The following PPP5C variants were observed in gnomAD, a reference collection of about 807,000 sequenced individuals.
The protein encoded by PPP5C is protein phosphatase 5 catalytic subunit.
Under a neutral mutation model 66.7 loss-of-function variants are expected in PPP5C, and 21 were observed. The observed-to-expected ratio is 0.31, with a 90% CI of 0.22 to 0.45. The LOEUF (loss-of-function observed/expected upper bound fraction) is 0.45, where lower values mean the gene tolerates loss of function less well. PPP5C is among the 20% of genes least tolerant of loss of function. The probability of loss-of-function intolerance (pLI) is 1.00; values close to 1 mark genes in which losing one functional copy is unlikely to be tolerated. For synonymous variants in PPP5C, 246 were observed against 257.4 expected, an observed-to-expected ratio of 0.96 and a Z score of 0.43; for missense variants, 464 against 675.9, an observed-to-expected ratio of 0.69 and a Z score of 3.48.
chr19:46,387,690 C>T (rs1972915828), intron 9 of PPP5C: 1 of 1,449,662 alleles, frequency 6.9e-7, no homozygotes, highest in East Asian at 2.6e-5. Context: ...GCCGAGCACA[C>T]CTGTCCTTAT....
chr19:46,375,159 C>T lies in PPP5C; in HGVS notation c.364-445C>T, dbSNP rs185387884. ...TAACCTGGGCTTGGGGAGTCCATGTCGTCCAGCAAGTCATTGGCCCTTTGT... is the reference window on the plus strand; with the variant it reads ...TAACCTGGGCTTGGGGAGTCCATGTTGTCCAGCAAGTCATTGGCCCTTTGT... On this transcript the variant is annotated intron_variant, in intron 2 of 12. Transcript: ENST00000012443. 1.1e-4 allele frequency among the ~76,000 whole-genome samples: 16 copies of T among 152,286 alleles called. No homozygotes were observed. The East Asian group carries it at 2.7e-3, about 26-fold the overall frequency.
chr19:46,347,606 G>T (rs1360677421), intron 1 of PPP5C, among the ~76,000 whole-genome samples: 1 of 150,180 alleles, frequency 6.7e-6, no homozygotes, highest in Non-Finnish European at 1.5e-5. Context: ...CAAGTGGGGG[G>T]TAGAGGGGGC....
At position 46,388,455 on chromosome 19, in the gene PPP5C, CT is replaced by C; in HGVS notation, c.1176+8del. 6.2e-7 allele frequency: 1 copy of C among 1,612,532 alleles called. No individual in the cohort carries two copies. Among genetic ancestry groups the C allele is most frequent in the East Asian group, 2.2e-5 (1 of 44,824 alleles). On this transcript the variant is annotated splice_region_variant and intron_variant, in intron 10 of 12. Transcript: ENST00000012443. This position sits in a 1 kb window ranked among gnomAD's most constrained non-coding sequence, Gnocchi z 4.9. ...GTCAGATCCACAGCCACAGGTGAGT[CT>C]AGGGTGGGGTGCAGGGCCGGCGGGT...
At chr19:46,347,528 G>C (rs551967378) in intron 1 of PPP5C, among the ~76,000 whole-genome samples, 2 of 152,088 alleles carry the variant, frequency 1.3e-5, no homozygotes, top group East Asian at 3.9e-4. Context: ...GGCGCTACCA[G>C]GCAGTGACAT....
chr19:46,371,185 G>A (rs977208433), intron 2 of PPP5C, among the ~76,000 whole-genome samples: 30 of 152,118 alleles, frequency 2.0e-4, no homozygotes, highest in Admixed American at 6.5e-5. Context: ...AACCTAGGCC[G>A]GATCTGGGGG....
At chr19:46,354,099 C>G (rs1972242216) in intron 2 of PPP5C, 110 bp downstream of exon 2, 1 of 1,452,706 alleles carries the variant, frequency 6.9e-7, no homozygotes. Flanking sequence ...ACCACTCAGC[C>G]AGCCAGCAAG....
intron 2 of PPP5C, among the ~76,000 whole-genome samples, chr19:46,364,441 G>A (rs970100542): frequency 2.0e-5 from 3 of 152,112 alleles, no homozygotes; most frequent in Admixed American, 2.0e-4. Context: ...CTCTTCTCTA[G>A]TCTCAAAAAA....
rs1282284745 is a variant in PPP5C, at chr19:46,365,044, G to A, written c.364-10560G>A. Among the ~76,000 whole-genome samples, 8 of 152,256 alleles carry A rather than the reference G, an allele frequency of 5.3e-5. No homozygotes were observed. The East Asian group carries it at 1.4e-3, about 26-fold the overall frequency. Reference sequence around the variant, plus strand: ...GTCACCCAGCCTGGGGTGCAGTGGCGCAATCTCAGCTCCCTGCAACCTCCG... The same window carrying A: ...GTCACCCAGCCTGGGGTGCAGTGGCACAATCTCAGCTCCCTGCAACCTCCG... On this transcript the variant is annotated intron_variant, in intron 2 of 12. Transcript: ENST00000012443.
chr19:46,352,861 G>A (rs1208167835), intron 1 of PPP5C, among the ~76,000 whole-genome samples: 2 of 151,702 alleles, frequency 1.3e-5, no homozygotes, highest in East Asian at 3.9e-4. Flanking sequence ...CACCTGCTGT[G>A]TGACCTTGAG....
At chr19:46,350,999 C>T (rs922519901) in intron 1 of PPP5C, among the ~76,000 whole-genome samples, 6 of 152,240 alleles carry the variant, frequency 3.9e-5, no homozygotes, top group East Asian at 1.9e-4. Context: ...CCTCGTCCCC[C>T]GTCTCATGTC....
In PPP5C at chr19:46,383,201, T is replaced by C. The variant is rs1263937002; in HGVS notation, c.634-210T>C. On this transcript the variant is annotated intron_variant, in intron 4 of 12. Transcript: ENST00000012443. The surrounding 1 kb of genome is among the most constrained non-coding windows in gnomAD (Gnocchi z 5.0). ...AGGTTTTCGTACAAAACAATCGCAA[T>C]GCTTCGGCACTGCACAGGCCACAGA... is the stretch of plus-strand genomic sequence containing the variant. 1 of 1,511,054 alleles carries C rather than the reference T, an allele frequency of 6.6e-7. No individual in the cohort carries two copies. The highest frequency in any genetic ancestry group is 8.9e-7 in the Non-Finnish European group (1 of 1,129,852). The allele number at this position is 1,511,054 out of a possible 1,614,324, so 93.6% of individuals were successfully genotyped here.
At chr19:46,355,333 C>T (rs1357234767) in intron 2 of PPP5C, among the ~76,000 whole-genome samples, 1 of 152,212 alleles carries the variant, frequency 6.6e-6, no homozygotes, top group Non-Finnish European at 1.5e-5. Flanking sequence ...ACACTCGGAG[C>T]TGCTTGTGTC....
rs918090584 is a variant in PPP5C, at chr19:46,390,206, G to C, written c.1437+74G>C. On this transcript the variant is annotated intron_variant, in intron 12 of 12. Transcript: ENST00000012443. ...AAGGAGGCTGAGACCCTGGTAAGGG[G>C]CAGGGGTAGGTTCTGCCGGTGGGTG... 8 of 1,608,260 alleles carry C rather than the reference G, an allele frequency of 5.0e-6. No homozygotes were observed. The East Asian group carries it at 1.6e-4, about 31-fold the overall frequency.
In PPP5C at chr19:46,360,409, G is replaced by T. The variant is rs147051319; in HGVS notation, c.363+6420G>T. Among the ~76,000 whole-genome samples, 589 of 152,108 alleles carry T rather than the reference G, an allele frequency of 3.9e-3. 3 individuals carry two copies. The highest frequency in any genetic ancestry group is 0.014 in the African/African-American group (565 of 41,504). ...CTAATATGTCTCTCTTGGTCTTCCG[G>T]GGTCCCTGACATCCAGAAGTTAGTT... is the stretch of plus-strand genomic sequence containing the variant. On this transcript the variant is annotated intron_variant, in intron 2 of 12. Transcript: ENST00000012443.
chr19:46,360,744 C>T (rs1456925428), intron 2 of PPP5C, among the ~76,000 whole-genome samples: 1 of 152,174 alleles, frequency 6.6e-6, no homozygotes, highest in Non-Finnish European at 1.5e-5. Flanking sequence ...AAGTGATCAG[C>T]TTCAGCCTCC....
At chr19:46,378,827 G>C (rs1368494191) in intron 4 of PPP5C, among the ~76,000 whole-genome samples, 1 of 151,084 alleles carries the variant, frequency 6.6e-6, no homozygotes, top group East Asian at 1.9e-4. Flanking sequence ...TATTTAAAAT[G>C]TTTTTCTTAT....
At chr19:46,351,327 A>G (rs1972179961) in intron 1 of PPP5C, among the ~76,000 whole-genome samples, 2 of 152,182 alleles carry the variant, frequency 1.3e-5, no homozygotes, top group South Asian at 4.1e-4. Flanking sequence ...GGGCCAGGAT[A>G]TGGCATGTGG....
intron 2 of PPP5C, among the ~76,000 whole-genome samples, chr19:46,355,361 C>G (rs563165193): frequency 3.3e-4 from 50 of 150,482 alleles, no homozygotes; most frequent in African/African-American, 1.2e-3. Context: ...GAGGGGCAAC[C>G]AGGGAGCTGG....
At chr19:46,385,646 G>A (rs1972870289) in intron 7 of PPP5C, among the ~76,000 whole-genome samples, 1 of 152,112 alleles carries the variant, frequency 6.6e-6, no homozygotes, top group African/African-American at 2.4e-5. Context: ...CGGGCATGGT[G>A]GTACACGCCT....
Sources: allele counts gnomAD v4.1 joint callset (sites outside exome capture counted in the v4.1 genomes callset), GRCh38; gene constraint gnomAD v4.1.1; non-coding constraint Gnocchi (gnomAD v3.1); transcripts MANE v1.5; gene names NCBI Gene and HGNC (gene_info 2026-07-23, HGNC 2026-07-21).